The following PTPN11 variants were observed in gnomAD, a reference collection of about 807,000 sequenced individuals.
PTPN11 encodes the protein tyrosine-protein phosphatase non-receptor type 11.
A neutral mutation model predicts 78.8 loss-of-function variants in PTPN11; 6 were observed. The ratio of observed to expected loss-of-function variants is 0.08; its 90% CI spans 0.04 to 0.15. PTPN11 has a LOEUF of 0.15. Ranked by LOEUF, PTPN11 falls within the 10% of genes least tolerant of loss-of-function variation. The probability of loss-of-function intolerance (pLI) is 1.00; values close to 1 mark genes in which losing one functional copy is unlikely to be tolerated. For synonymous variants in PTPN11, 221 were observed against 263.5 expected (o/e 0.84, Z 1.56); for missense variants, 386 against 744.8 (o/e 0.52, Z 5.61).
At chr12:112,496,148 A>G (rs947187532) in intron 13 of PTPN11, among the ~76,000 whole-genome samples, 4 of 152,182 alleles carry the variant, frequency 2.6e-5, no homozygotes, top group Admixed American at 6.5e-5. Context: ...AGACGCATGT[A>G]CATTTATTTT....
chr12:112,488,969 A>G, intron 12 of PTPN11, 55 bp from the exon 13 acceptor site: 1 of 1,607,658 alleles, frequency 6.2e-7, no homozygotes, highest in Non-Finnish European at 8.5e-7. Context: ...TGCATTAAAC[A>G]ACTTCATCCT....
chr12:112,423,888 C>T (rs1262843687), intron 1 of PTPN11, among the ~76,000 whole-genome samples: 1 of 151,650 alleles, frequency 6.6e-6, no homozygotes, highest in East Asian at 1.9e-4. Context: ...CTGGGACTGA[C>T]TACAGGCACG....
intron 5 of PTPN11, 167 bp downstream of exon 5, chr12:112,454,847 T>C (rs760962302): frequency 1.5e-6 from 1 of 659,100 alleles, no homozygotes; most frequent in Non-Finnish European, 2.7e-6. Context: ...TTTGAGACAG[T>C]CTTACTCTGT....
rs892018262 is a variant in PTPN11, at chr12:112,504,356, C to T, written c.1713-339C>T. ...GACTACAGGCATGTGCCATGACACC[C>T]GGATAATTTTTGTATTTTTAGTAGA... On this transcript the variant is annotated intron_variant, in intron 14 of 15. Coordinates refer to ENST00000351677, the MANE Select transcript of PTPN11 (RefSeq NM_002834.5). The surrounding 1 kb of genome is among the most constrained non-coding windows in gnomAD (Gnocchi z 4.7). Among the ~76,000 whole-genome samples, 1 of 152,138 alleles carries T rather than the reference C, an allele frequency of 6.6e-6. No homozygotes were observed. The highest frequency in any genetic ancestry group is 6.5e-5 in the Admixed American group (1 of 15,276).
chr12:112,477,523 T>A, intron 7 of PTPN11, 128 bp from the exon 8 acceptor site: 1 of 748,620 alleles, frequency 1.3e-6, no homozygotes. Flanking sequence ...TGGGCTTTAA[T>A]TTTTATGTGT....
chr12:112,442,851 T>TAA (rs1946147566), intron 1 of PTPN11, among the ~76,000 whole-genome samples: 1 of 71,858 alleles, frequency 1.4e-5, no homozygotes, highest in Non-Finnish European at 2.4e-5. Context: ...TATATATATA[T>TAA]ATATATATAT....
intron 1 of PTPN11, among the ~76,000 whole-genome samples, chr12:112,442,835 TATATA>T (rs2037919507): frequency 8.3e-5 from 2 of 24,030 alleles, no homozygotes; most frequent in Admixed American, 9.8e-4. Context: ...TCTTTTTATA[TATATA>T]TATATATATA....
At chr12:112,422,445 T>G (rs1566152180) in intron 1 of PTPN11, among the ~76,000 whole-genome samples, 1 of 152,178 alleles carries the variant, frequency 6.6e-6, no homozygotes, top group Non-Finnish European at 1.5e-5. Context: ...GCTGCCTGTA[T>G]TTTCCAACTC....
chr12:112,468,569 C>T (rs2038365323), intron 6 of PTPN11, among the ~76,000 whole-genome samples: 1 of 152,106 alleles, frequency 6.6e-6, no homozygotes, highest in South Asian at 2.1e-4. Context: ...AGGGAAGGAG[C>T]CGGGGGAGAG....
intron 6 of PTPN11, among the ~76,000 whole-genome samples, chr12:112,466,814 C>T (rs1232990485): frequency 6.6e-6 from 1 of 152,190 alleles, no homozygotes; most frequent in Non-Finnish European, 1.5e-5. Flanking sequence ...GGCTCTGTTG[C>T]TCAGAGCAGT....
intron 7 of PTPN11, among the ~76,000 whole-genome samples, chr12:112,476,128 T>C (rs2135898881): frequency 6.6e-6 from 1 of 152,248 alleles, no homozygotes; most frequent in Middle Eastern, 3.4e-3. Flanking sequence ...TATGTCTAAG[T>C]TGTGACATCT....
chr12:112,436,249 T>C (rs956800093), intron 1 of PTPN11, among the ~76,000 whole-genome samples: 5 of 152,192 alleles, frequency 3.3e-5, no homozygotes, highest in African/African-American at 1.2e-4. Context: ...GGTAGAGATA[T>C]TATAGTCAAT....
chr12:112,489,357 T>A (rs560670470), intron 13 of PTPN11, among the ~76,000 whole-genome samples, 182 bp downstream of exon 13: 1 of 152,300 alleles, frequency 6.6e-6, no homozygotes, highest in South Asian at 2.1e-4. Flanking sequence ...TCAGCTCTGA[T>A]TTTTCACTGC....
At chr12:112,462,748 T>A (rs909361569) in intron 6 of PTPN11, among the ~76,000 whole-genome samples, 2 of 152,200 alleles carry the variant, frequency 1.3e-5, no homozygotes, top group African/African-American at 4.8e-5. Context: ...CATAATAGTG[T>A]CTAGAGATAG....
chr12:112,478,108 G>GCTTA, intron 9 of PTPN11, 93 bp downstream of exon 9: 1 of 1,410,680 alleles, frequency 7.1e-7, no homozygotes, highest in Non-Finnish European at 9.9e-7. Context: ...AATGAATTAA[G>GCTTA]CTTACTGTAA....
chr12:112,498,723 C>T (rs542138417), intron 13 of PTPN11, among the ~76,000 whole-genome samples: 1 of 152,288 alleles, frequency 6.6e-6, no homozygotes, highest in Middle Eastern at 3.4e-3. Context: ...GCTTCAGAAA[C>T]ACATTACCCT....
intron 2 of PTPN11, among the ~76,000 whole-genome samples, chr12:112,448,859 C>T (rs749357888): frequency 2.0e-5 from 3 of 152,024 alleles, no homozygotes; most frequent in Non-Finnish European, 2.9e-5. Context: ...TTACATGTGT[C>T]TTTAAAATTA....
Position 112,482,345 on chromosome 12 carries a change from C to T in PTPN11, c.1224+140C>T. On this transcript the variant is annotated intron_variant, in intron 10 of 15. Transcript: ENST00000351677. The surrounding 1 kb of genome is among the most constrained non-coding windows in gnomAD (Gnocchi z 4.4). ...TCAGTAGCCATTTATTAGCTTCCTTCTATGTGCCAGGTACAGTTTAAGCAG... is the reference window on the plus strand; with the variant it reads ...TCAGTAGCCATTTATTAGCTTCCTTTTATGTGCCAGGTACAGTTTAAGCAG... The T allele has an allele frequency of 1.0e-6, 1 of 1,000,908 alleles. No individual in the cohort carries two copies. The highest frequency in any genetic ancestry group is 1.4e-5 in the South Asian group (1 of 71,314). The allele number at this position is 1,000,908 out of a possible 1,614,324, so 62.0% of individuals were successfully genotyped here.
rs1592830041 is a variant in PTPN11 at position 112,454,545 on chromosome 12, C to T, written c.526-19C>T. On this transcript the variant is annotated intron_variant, in intron 4 of 15. Coordinates refer to ENST00000351677, the MANE Select transcript of PTPN11 (RefSeq NM_002834.5). ...CATAAAGGTAACAAATAATAAATGT[C>T]ATGTGTTTATCTTGAAAGGAACTGA... 6.5e-7 allele frequency: 1 copy of T among 1,539,218 alleles called. No homozygotes were observed. Among genetic ancestry groups the T allele is most frequent in the South Asian group, 1.1e-5 (1 of 89,440 alleles).
Sources: allele counts gnomAD v4.1 joint callset (sites outside exome capture counted in the v4.1 genomes callset), GRCh38; gene constraint gnomAD v4.1.1; non-coding constraint Gnocchi (gnomAD v3.1); transcripts MANE v1.5; gene names NCBI Gene and HGNC (gene_info 2026-07-23, HGNC 2026-07-21).